SDK1: variants seen among roughly 807,000 people sequenced by gnomAD.
SDK1 encodes the protein protein sidekick-1.
SDK1 carries 157 observed loss-of-function variants against 245.5 expected under a neutral mutation model. That is an observed-to-expected ratio of 0.64 (90% CI 0.56 to 0.73). The LOEUF (loss-of-function observed/expected upper bound fraction) is 0.73. Ranked by LOEUF, SDK1 falls within the 30% of genes least tolerant of loss-of-function variation. SDK1 has a pLI of 0.00. For missense variants in SDK1, 3,583 were observed against 3,002.3 expected (o/e 1.19, Z -4.52); for synonymous variants, 1,647 against 1,278.5 (o/e 1.29, Z -6.15).
intron 38 of SDK1, among the ~76,000 whole-genome samples, chr7:4,212,385 A>G (rs938189239): frequency 1.3e-5 from 2 of 152,220 alleles, no homozygotes; most frequent in Non-Finnish European, 2.9e-5. Context: ...TCTGAGCTGC[A>G]TCCCAAATCG....
Position 4,268,619 on chromosome 7 carries a change from G to A in SDK1, c.*3235G>A. 2 of 1,367,326 alleles carry A rather than the reference G, an allele frequency of 1.5e-6. No homozygotes were observed. Among genetic ancestry groups the A allele is most frequent in the African/African-American group, 2.9e-5 (2 of 67,884 alleles). The allele number at this position is 1,367,326 out of a possible 1,614,324, so 84.7% of individuals were successfully genotyped here. On this transcript the variant is annotated 3_prime_UTR_variant, in exon 45 of 45. Transcript: ENST00000404826. ...TCTAACTGTGACTGGGCTGAAGCAT[G>A]ATGTTTGCCTAATGGTTCGTAGCAT...
At chr7:3,833,698 A>G (rs557868362) in intron 5 of SDK1, among the ~76,000 whole-genome samples, 1 of 152,342 alleles carries the variant, frequency 6.6e-6, no homozygotes, top group South Asian at 2.1e-4. Flanking sequence ...GAACTGAGAA[A>G]ATGCCACATG....
intron 1 of SDK1, among the ~76,000 whole-genome samples, chr7:3,385,115 A>G (rs913612626): frequency 9.2e-5 from 14 of 152,234 alleles, no homozygotes; most frequent in East Asian, 5.8e-4. Flanking sequence ...ATTTTGGGTC[A>G]GGAGACCTGG....
At chr7:3,592,768 C>T (rs996679987) in intron 1 of SDK1, among the ~76,000 whole-genome samples, 1 of 152,178 alleles carries the variant, frequency 6.6e-6, no homozygotes, top group Non-Finnish European at 1.5e-5. Flanking sequence ...TCTATCGTAG[C>T]TCCAGAATCT....
intron 4 of SDK1, among the ~76,000 whole-genome samples, chr7:3,719,762 A>G (rs1011599975): frequency 5.3e-5 from 8 of 152,014 alleles, no homozygotes; most frequent in African/African-American, 1.9e-4. Flanking sequence ...GTGGATCATG[A>G]GGTGAAGAGA....
At chr7:4,012,041 C>T in intron 15 of SDK1, 54 bp from the exon 16 acceptor site, 4 of 1,343,450 alleles carry the variant, frequency 3.0e-6, no homozygotes, top group Non-Finnish European at 2.9e-6. Flanking sequence ...GCAAATGGGC[C>T]CCCGCTGTTT....
intron 4 of SDK1, among the ~76,000 whole-genome samples, chr7:3,764,458 G>A (rs1176018915): frequency 6.6e-6 from 1 of 152,164 alleles, no homozygotes; most frequent in Non-Finnish European, 1.5e-5. Flanking sequence ...GGCCGAGGCG[G>A]GTGGATCACC....
chr7:3,717,001 A>C (rs1186645959), intron 4 of SDK1, among the ~76,000 whole-genome samples: 2 of 152,158 alleles, frequency 1.3e-5, no homozygotes, highest in African/African-American at 2.4e-5. Context: ...AAGAAAAAAA[A>C]TTTAATTCCA....
At chr7:3,508,582 C>T (rs917708401) in intron 1 of SDK1, among the ~76,000 whole-genome samples, 3 of 152,130 alleles carry the variant, frequency 2.0e-5, no homozygotes, top group African/African-American at 4.8e-5. Context: ...CCCGCCTGGG[C>T]CTCCCAAAGT....
chr7:3,475,918 A>C (rs1781335457), intron 1 of SDK1: 1 of 152,560 alleles, frequency 6.6e-6, no homozygotes, highest in Non-Finnish European at 1.5e-5. Flanking sequence ...AAACATTTTG[A>C]CTTTCCCTTT....
chr7:3,917,175 A>G lies in SDK1; in HGVS notation c.848-33748A>G, dbSNP rs541237913. ...CACCTTCAAAATTCTTTTCAGGCTT[A>G]TTTTTGTCACTAAATAAAAATCAAT... On this transcript the variant is annotated intron_variant, in intron 5 of 44. Transcript: ENST00000404826. Among the ~76,000 whole-genome samples the G allele has an allele frequency of 9.8e-5, 15 of 152,312 alleles. No individual in the cohort carries two copies. The South Asian group carries it at 1.2e-3, about 13-fold the overall frequency.
intron 1 of SDK1, among the ~76,000 whole-genome samples, chr7:3,419,786 C>T (rs772534113): frequency 6.6e-6 from 1 of 151,610 alleles, no homozygotes; most frequent in Non-Finnish European, 1.5e-5. Flanking sequence ...ATGCCCTATG[C>T]TATTAACAGA....
intron 30 of SDK1, among the ~76,000 whole-genome samples, chr7:4,152,334 A>G (rs1420055409): frequency 6.6e-6 from 1 of 152,204 alleles, no homozygotes; most frequent in African/African-American, 2.4e-5. Context: ...GAGCCCTGGA[A>G]TTCTCCTGGC....
chr7:3,334,984 T>C (rs1479960723), intron 1 of SDK1, among the ~76,000 whole-genome samples: 2 of 152,186 alleles, frequency 1.3e-5, no homozygotes, highest in Non-Finnish European at 2.9e-5. Context: ...CTTCATTTTT[T>C]TTCTTCTCTA....
chr7:3,795,745 T>C (rs1387289825), intron 4 of SDK1, among the ~76,000 whole-genome samples: 1 of 152,202 alleles, frequency 6.6e-6, no homozygotes, highest in Non-Finnish European at 1.5e-5. Flanking sequence ...TGAAAGTATT[T>C]GGTGTTCTTC....
intron 32 of SDK1, among the ~76,000 whole-genome samples, chr7:4,162,910 A>C (rs1337211379): frequency 6.6e-6 from 1 of 152,218 alleles, no homozygotes; most frequent in African/African-American, 2.4e-5. Flanking sequence ...AAACTGCCCA[A>C]GGAAGGGCTG....
At chr7:3,442,697 A>T (rs1388905902) in intron 1 of SDK1, among the ~76,000 whole-genome samples, 1 of 152,198 alleles carries the variant, frequency 6.6e-6, no homozygotes, top group East Asian at 1.9e-4. Context: ...AAAAGTGAGT[A>T]ATTGTACAAG....
intron 4 of SDK1, among the ~76,000 whole-genome samples, chr7:3,670,301 C>G (rs1033222117): frequency 2.6e-5 from 4 of 152,104 alleles, no homozygotes; most frequent in Admixed American, 6.6e-5. Flanking sequence ...CTTCCCTTAT[C>G]TACCTAAATT....
At chr7:3,512,524 A>T (rs1382578325) in intron 1 of SDK1, among the ~76,000 whole-genome samples, 1 of 152,194 alleles carries the variant, frequency 6.6e-6, no homozygotes, top group African/African-American at 2.4e-5. Flanking sequence ...TCGTTTTGTA[A>T]GAAGCCACCA....
Sources: gnomAD v4.1 joint callset for allele counts (sites outside exome capture counted in the v4.1 genomes callset) on GRCh38, gnomAD v4.1.1 for gene constraint, MANE v1.5 for transcripts, NCBI Gene and HGNC (gene_info 2026-07-23, HGNC 2026-07-21) for gene names.